VPS13B: variants seen among roughly 807,000 people sequenced by gnomAD.
VPS13B encodes the protein vacuolar protein sorting 13 homolog B, also known as intermembrane lipid transfer protein VPS13B.
Under a neutral mutation model 426.4 loss-of-function variants are expected in VPS13B, and 285 were observed. That is an observed-to-expected ratio of 0.67 (90% confidence interval 0.61 to 0.74). The LOEUF is 0.74. Ranked by LOEUF, VPS13B falls within the 30% of genes least tolerant of loss-of-function variation. The pLI is 0.00. For synonymous variants in VPS13B, 1,676 were observed against 1,676.4 expected, an observed-to-expected ratio of 1.00 and a Z score of 0.01; for missense variants, 4,537 against 4,782.6, an observed-to-expected ratio of 0.95 and a Z score of 1.51.
At chr8:99,311,711 G>C (rs920417771) in intron 19 of VPS13B, among the ~76,000 whole-genome samples, 9 of 152,058 alleles carry the variant, frequency 5.9e-5, no homozygotes, top group Non-Finnish European at 1.3e-4. Context: ...CTGAGTTCTG[G>C]TCCTGGATAT....
chr8:99,818,978 G>T, intron 47 of VPS13B, 90 bp downstream of exon 47: 1 of 941,136 alleles, frequency 1.1e-6, no homozygotes, highest in Admixed American at 2.2e-5. Flanking sequence ...GCGGGGGAGG[G>T]GTGGGTAGGG....
chr8:99,141,082 G>T (rs2132574746), intron 12 of VPS13B, among the ~76,000 whole-genome samples: 1 of 152,246 alleles, frequency 6.6e-6, no homozygotes, highest in East Asian at 1.9e-4. Flanking sequence ...GATACAATAG[G>T]AGATAAATCT....
Position 99,442,604 on chromosome 8 carries a change from A to T in VPS13B, c.3414A>T (p.Pro1138=), listed in dbSNP as rs773717151. The change falls in exon 23 of 62, where the codon CCA becomes CCT. Residue 1138 remains proline, a synonymous_variant. Transcript: ENST00000357162. ...HKYMEPLQEI[P]FVIPRPILEE... is the part of the protein sequence containing the mutation. ...ATATGGAACCTCTGCAGGAGATTCCATTTGTTATCCCACGACCCATCCTTG... is the reference window on the plus strand; with the variant it reads ...ATATGGAACCTCTGCAGGAGATTCCTTTTGTTATCCCACGACCCATCCTTG... 2 of 1,613,976 alleles carry T rather than the reference A, an allele frequency of 1.2e-6. No homozygotes were observed. The highest frequency in any genetic ancestry group is 2.2e-5 in the South Asian group (2 of 91,086).
At chr8:99,240,112 T>C (rs1399773724) in intron 17 of VPS13B, among the ~76,000 whole-genome samples, 1 of 152,210 alleles carries the variant, frequency 6.6e-6, no homozygotes, top group Admixed American at 6.5e-5. Flanking sequence ...ATATTAGGCA[T>C]AGTGCATTCA....
chr8:99,305,256 C>T (rs1820574912), intron 19 of VPS13B, among the ~76,000 whole-genome samples: 1 of 151,866 alleles, frequency 6.6e-6, no homozygotes, highest in South Asian at 2.1e-4. Context: ...TGGGTTCAAC[C>T]AATGGTGGAT....
chr8:99,843,911 C>T (rs1815844015), intron 54 of VPS13B, among the ~76,000 whole-genome samples: 1 of 152,342 alleles, frequency 6.6e-6, no homozygotes, highest in Admixed American at 6.5e-5. Context: ...AGAAAATTCC[C>T]TGTGCCAGGA....
At chr8:99,862,645 T>C (rs1037967230) in intron 58 of VPS13B, among the ~76,000 whole-genome samples, 13 of 152,258 alleles carry the variant, frequency 8.5e-5, no homozygotes, top group Admixed American at 6.5e-5. Flanking sequence ...CTTGGCAATG[T>C]GCCTTCCGCG....
intron 2 of VPS13B, among the ~76,000 whole-genome samples, chr8:99,024,865 T>C (rs1425137922): frequency 6.6e-6 from 1 of 152,228 alleles, no homozygotes; most frequent in Admixed American, 6.5e-5. Flanking sequence ...AGGAATTGCA[T>C]TGAATCTGTA....
intron 13 of VPS13B, among the ~76,000 whole-genome samples, chr8:99,146,966 T>G (rs1810765567): frequency 6.6e-6 from 1 of 152,166 alleles, no homozygotes; most frequent in Non-Finnish European, 1.5e-5. Flanking sequence ...TATGAGGTTG[T>G]CTTAGACCCA....
In VPS13B at chr8:99,524,071, A is replaced by T. The variant is rs111745484; in HGVS notation, c.4745+3061A>T. 6.3e-4 allele frequency among the ~76,000 whole-genome samples: 96 copies of T among 152,302 alleles called. 2 individuals are homozygous for T. The South Asian group carries it at 8.5e-3, about 13-fold the overall frequency. Reference sequence around the variant, plus strand: ...AATCATTTAAAAGAATCAAGTAGAAATTCAGGAGCTGAAAAATACAATTAA... The same window carrying T: ...AATCATTTAAAAGAATCAAGTAGAATTTCAGGAGCTGAAAAATACAATTAA... On this transcript the variant is annotated intron_variant, in intron 30 of 61. Coordinates refer to ENST00000357162, the MANE Select transcript of VPS13B (RefSeq NM_152564.5).
chr8:99,722,660 C>G (rs989822609), intron 39 of VPS13B, among the ~76,000 whole-genome samples: 1 of 152,114 alleles, frequency 6.6e-6, no homozygotes, highest in Non-Finnish European at 1.5e-5. Context: ...GTGTCCGCCA[C>G]CATGCCCAGC....
At chr8:99,586,262 T>A (rs1239676634) in intron 33 of VPS13B, among the ~76,000 whole-genome samples, 1 of 152,210 alleles carries the variant, frequency 6.6e-6, no homozygotes, top group Non-Finnish European at 1.5e-5. Context: ...CTTCTTCTCT[T>A]AAATCCACAT....
intron 34 of VPS13B, among the ~76,000 whole-genome samples, chr8:99,651,705 G>A (rs949045645): frequency 6.6e-6 from 1 of 152,140 alleles, no homozygotes; most frequent in South Asian, 2.1e-4. Context: ...AGGTAATGGA[G>A]TCCAGATTTG....
chr8:99,639,002 A>G (rs761031768), intron 33 of VPS13B, among the ~76,000 whole-genome samples: 55 of 152,324 alleles, frequency 3.6e-4, no homozygotes, highest in Non-Finnish European at 6.2e-4. Flanking sequence ...GGTAAAAGAG[A>G]CAAACACATA....
At chr8:99,728,241 A>G (rs1025980157) in intron 39 of VPS13B, among the ~76,000 whole-genome samples, 7 of 152,228 alleles carry the variant, frequency 4.6e-5, no homozygotes, top group African/African-American at 1.4e-4. Context: ...TAGATCTTGA[A>G]TGATGGTTAA....
At chr8:99,225,391 C>T (rs777099616) in intron 17 of VPS13B, among the ~76,000 whole-genome samples, 123 of 151,954 alleles carry the variant, frequency 8.1e-4, no homozygotes, top group Non-Finnish European at 1.4e-3. Flanking sequence ...GCCATTCTGC[C>T]TCAGCCTCCC....
intron 39 of VPS13B, among the ~76,000 whole-genome samples, chr8:99,755,321 A>G (rs2130562456): frequency 6.6e-6 from 1 of 152,310 alleles, no homozygotes; most frequent in East Asian, 1.9e-4. Flanking sequence ...TCATTAGCTG[A>G]CTACTACACT....
chr8:99,509,318 A>C (rs1821661903), intron 28 of VPS13B, among the ~76,000 whole-genome samples: 1 of 152,196 alleles, frequency 6.6e-6, no homozygotes, highest in Non-Finnish European at 1.5e-5. Context: ...AACAGTGAAA[A>C]TGTTGGGAAC....
At chr8:99,128,502 C>T (rs1238419547) in intron 8 of VPS13B, among the ~76,000 whole-genome samples, 1 of 148,278 alleles carries the variant, frequency 6.7e-6, no homozygotes, top group African/African-American at 2.5e-5. Context: ...TAAGTATGTG[C>T]ATCCATCCAT....
Sources: gnomAD v4.1 joint callset for allele counts (sites outside exome capture counted in the v4.1 genomes callset) on GRCh38, gnomAD v4.1.1 for gene constraint, MANE v1.5 for transcripts, NCBI Gene and HGNC (gene_info 2026-07-23, HGNC 2026-07-21) for gene names.